The following RANBP17 variants were observed in gnomAD, a reference collection of about 807,000 sequenced individuals.
RANBP17 encodes the protein RAN binding protein 17.
A neutral mutation model predicts 141.2 loss-of-function variants in RANBP17; 158 were observed. The observed-to-expected ratio is 1.12, with a 90% confidence interval of 0.98 to 1.28. RANBP17 has a LOEUF of 1.28. Ranked by LOEUF, RANBP17 falls within the 50% of genes most tolerant of loss-of-function variation. RANBP17 has a pLI of 0.00. For synonymous variants in RANBP17, 430 were observed against 450.0 expected, an observed-to-expected ratio of 0.96 and a Z score of 0.56; for missense variants, 1,438 against 1,290.7, an observed-to-expected ratio of 1.11 and a Z score of -1.75.
intron 18 of RANBP17, among the ~76,000 whole-genome samples, chr5:171,186,860 C>T (rs1761294625): frequency 6.6e-6 from 1 of 152,104 alleles, no homozygotes; most frequent in Non-Finnish European, 1.5e-5. Flanking sequence ...AGGGTTGTTT[C>T]ACTTTCTCAT....
intron 5 of RANBP17, among the ~76,000 whole-genome samples, chr5:170,898,631 G>A (rs1359047283): frequency 6.6e-6 from 1 of 151,180 alleles, no homozygotes; most frequent in East Asian, 1.9e-4. Flanking sequence ...TACTGCCTAG[G>A]TTAGGGTTTT....
At chr5:171,167,936 A>G in intron 14 of RANBP17, among the ~76,000 whole-genome samples, 1 of 152,198 alleles carries the variant, frequency 6.6e-6, no homozygotes, top group East Asian at 1.9e-4. Context: ...AGAATCCAAT[A>G]TGTGCTTAAT....
intron 14 of RANBP17, among the ~76,000 whole-genome samples, chr5:171,022,451 GCC>G (rs1475113858): frequency 2.6e-5 from 4 of 152,224 alleles, no homozygotes; most frequent in African/African-American, 9.6e-5. Context: ...AGGGGCTCAG[GCC>G]CAGGGAGATC....
intron 25 of RANBP17, among the ~76,000 whole-genome samples, chr5:171,287,904 A>G (rs2128041723): frequency 6.6e-6 from 1 of 152,222 alleles, no homozygotes; most frequent in Admixed American, 6.5e-5. Flanking sequence ...GCAGGAGGGA[A>G]TAGTCTGAAT....
At chr5:171,188,951 A>G (rs1010956891) in intron 18 of RANBP17, among the ~76,000 whole-genome samples, 7 of 152,256 alleles carry the variant, frequency 4.6e-5, no homozygotes, top group African/African-American at 1.7e-4. Context: ...AGAAACTGAA[A>G]TAAACACATA....
At chr5:171,135,412 G>A (rs934812879) in intron 14 of RANBP17, among the ~76,000 whole-genome samples, 6 of 151,696 alleles carry the variant, frequency 4.0e-5, no homozygotes, top group African/African-American at 7.3e-5. Context: ...TATTTCTTCC[G>A]TATTTTAAAA....
At chr5:170,983,975 T>C (rs1777942550) in intron 14 of RANBP17, among the ~76,000 whole-genome samples, 2 of 152,088 alleles carry the variant, frequency 1.3e-5, no homozygotes, top group Non-Finnish European at 2.9e-5. Flanking sequence ...TTGGAAGAAA[T>C]CCAGATAGGT....
At chr5:171,243,565 T>C (rs1765019236) in intron 24 of RANBP17, among the ~76,000 whole-genome samples, 1 of 152,210 alleles carries the variant, frequency 6.6e-6, no homozygotes, top group African/African-American at 2.4e-5. Context: ...GGTTATATGC[T>C]AAGTGTATTT....
intron 25 of RANBP17, among the ~76,000 whole-genome samples, chr5:171,291,044 T>C (rs985550135): frequency 3.3e-5 from 5 of 152,220 alleles, no homozygotes; most frequent in Admixed American, 6.5e-5. Context: ...CAGGGCCAGA[T>C]TGGGGCTCCA....
At position 170,899,663 on chromosome 5, in the gene RANBP17, A is replaced by T. The variant is rs79988393; in HGVS notation, c.489+3548A>T. ...TGATATTGGCTGTGGGTCTGTCATA[A>T]ATAGCTCTTATTATTTTGAGATATG... On this transcript the variant is annotated intron_variant, in intron 5 of 27. Transcript: ENST00000523189. Among the ~76,000 whole-genome samples, 920 of 152,280 alleles carry T rather than the reference A, an allele frequency of 6.0e-3. 5 individuals are homozygous for T. Among genetic ancestry groups the T allele is most frequent in the Middle Eastern group, 0.027 (8 of 294 alleles).
At chr5:171,147,516 A>G (rs1338793984) in intron 14 of RANBP17, among the ~76,000 whole-genome samples, 1 of 151,324 alleles carries the variant, frequency 6.6e-6, no homozygotes, top group Non-Finnish European at 1.5e-5. Context: ...CCCAGGTTCA[A>G]GCAATTCTCC....
At chr5:170,917,752 G>A (rs1157650408) in intron 9 of RANBP17, among the ~76,000 whole-genome samples, 1 of 152,002 alleles carries the variant, frequency 6.6e-6, no homozygotes, top group South Asian at 2.1e-4. Flanking sequence ...ACCAATAGGT[G>A]GAAGATAATA....
intron 14 of RANBP17, among the ~76,000 whole-genome samples, chr5:171,106,039 T>G (rs1469623419): frequency 6.6e-6 from 1 of 152,204 alleles, no homozygotes; most frequent in Non-Finnish European, 1.5e-5. Flanking sequence ...CTAATTTGTT[T>G]CCTAGAGAAA....
chr5:171,097,379 G>A (rs190083808), intron 14 of RANBP17, among the ~76,000 whole-genome samples: 14 of 152,150 alleles, frequency 9.2e-5, no homozygotes, highest in African/African-American at 3.1e-4. Flanking sequence ...AGAAAGGGCT[G>A]TTAGACCATA....
intron 5 of RANBP17, among the ~76,000 whole-genome samples, chr5:170,908,741 T>C (rs1202691597): frequency 1.3e-5 from 2 of 151,912 alleles, no homozygotes; most frequent in Non-Finnish European, 2.9e-5. Flanking sequence ...GTGTAATCAT[T>C]TGGCCTTCTG....
chr5:171,065,545 A>G (rs1784261240), intron 14 of RANBP17, among the ~76,000 whole-genome samples: 1 of 151,900 alleles, frequency 6.6e-6, no homozygotes, highest in Non-Finnish European at 1.5e-5. Context: ...CTAACAGGCT[A>G]TGGACTGGTA....
intron 21 of RANBP17, among the ~76,000 whole-genome samples, chr5:171,219,721 G>A (rs183855474): frequency 6.6e-6 from 1 of 151,878 alleles, no homozygotes; most frequent in East Asian, 2.0e-4. Context: ...AAGTTCTCAT[G>A]CTGTGTTTTT....
At chr5:170,976,673 G>A (rs1001476711) in intron 14 of RANBP17, among the ~76,000 whole-genome samples, 4 of 152,044 alleles carry the variant, frequency 2.6e-5, no homozygotes, top group Non-Finnish European at 4.4e-5. Context: ...ACATATAAAC[G>A]AATGAAATAG....
chr5:171,043,979 G>T (rs532718144), intron 14 of RANBP17, among the ~76,000 whole-genome samples: 1 of 152,028 alleles, frequency 6.6e-6, no homozygotes, highest in Non-Finnish European at 1.5e-5. Context: ...AAATAGAAAG[G>T]ATCTATTTTA....
Sources: gnomAD v4.1 joint callset for allele counts (sites outside exome capture counted in the v4.1 genomes callset) on GRCh38, gnomAD v4.1.1 for gene constraint, MANE v1.5 for transcripts, NCBI Gene and HGNC (gene_info 2026-07-23, HGNC 2026-07-21) for gene names.